RMST: variants seen among roughly 807,000 people sequenced by gnomAD.
The protein encoded by RMST is long intergenic non-protein coding RNA 54.
At chr12:97,562,166 C>T (rs78332126) in intron 13 of RMST, among the ~76,000 whole-genome samples, 4,021 of 152,212 alleles carry the variant, frequency 0.026, 119 homozygotes, top group Non-Finnish European at 0.034. Flanking sequence ...TTAAAACTGC[C>T]CTTCAGTACT....
At chr12:97,463,056 T>TCTCTCTCTCTCTCTCTCTCTCA (rs1555228375) in intron 3 of RMST, 1 of 142,872 alleles carries the variant, frequency 7.0e-6, no homozygotes, top group Non-Finnish European at 1.5e-5. Flanking sequence ...TCTCTCTCTC[T>TCTCTCTCTCTCTCTCTCTCTCA]CTGAAACACA....
chr12:97,536,469 CTT>C (rs1258970251), intron 11 of RMST, among the ~76,000 whole-genome samples: 1 of 151,410 alleles, frequency 6.6e-6, no homozygotes, highest in African/African-American at 2.4e-5. Flanking sequence ...ATTGTTGTCT[CTT>C]TTGGTTTGTA....
intron 11 of RMST, among the ~76,000 whole-genome samples, chr12:97,556,391 G>A (rs776539188): frequency 2.0e-5 from 3 of 152,160 alleles, no homozygotes; most frequent in Non-Finnish European, 4.4e-5. Flanking sequence ...GCAGCTGGGC[G>A]GCCTCTTCAC....
intron 5 of RMST, among the ~76,000 whole-genome samples, chr12:97,465,963 A>C (rs1206482037): frequency 6.6e-6 from 1 of 152,172 alleles, no homozygotes; most frequent in African/African-American, 2.4e-5. Context: ...CAGCCTTGAA[A>C]ATAAGCAGCT....
chr12:97,537,925 G>GCC (rs1882194085), intron 11 of RMST, among the ~76,000 whole-genome samples: 1 of 151,284 alleles, frequency 6.6e-6, no homozygotes. Context: ...AACTCATTAT[G>GCC]TGCTTTGACA....
chr12:97,520,484 T>C (rs1880401201), intron 10 of RMST, among the ~76,000 whole-genome samples: 1 of 152,210 alleles, frequency 6.6e-6, no homozygotes, highest in African/African-American at 2.4e-5. Context: ...TCCATACTCT[T>C]ATTTTAGTGG....
intron 5 of RMST, chr12:97,491,868 T>A (rs769863038): frequency 1.9e-6 from 1 of 515,186 alleles, no homozygotes; most frequent in East Asian, 5.6e-5. Flanking sequence ...ACTGTGTAAT[T>A]AGGTGAAGAA....
intron 10 of RMST, among the ~76,000 whole-genome samples, chr12:97,515,943 C>G (rs992943889): frequency 4.2e-4 from 64 of 151,844 alleles, no homozygotes; most frequent in African/African-American, 1.3e-3. Flanking sequence ...AAATATTTTC[C>G]AATTGTTTCA....
chr12:97,526,845 G>A (rs141602150), intron 10 of RMST, among the ~76,000 whole-genome samples: 32 of 152,184 alleles, frequency 2.1e-4, no homozygotes, highest in Non-Finnish European at 4.0e-4. Flanking sequence ...TGCTACTTTG[G>A]CAATGAGAGT....
chr12:97,493,508 T>C (rs1452229773), intron 7 of RMST, among the ~76,000 whole-genome samples: 1 of 152,206 alleles, frequency 6.6e-6, no homozygotes, highest in Non-Finnish European at 1.5e-5. Context: ...TTGGGTACTT[T>C]TGAAAAATAA....
chr12:97,464,690 C>T (rs954712678), intron 4 of RMST: 2 of 152,146 alleles, frequency 1.3e-5, no homozygotes, highest in Non-Finnish European at 2.9e-5. Context: ...TCTGGAGGCC[C>T]AAGTCCTGTT....
intron 5 of RMST, among the ~76,000 whole-genome samples, chr12:97,486,131 GA>G (rs768024768): frequency 1.3e-5 from 2 of 151,544 alleles, no homozygotes; most frequent in Non-Finnish European, 1.5e-5. Flanking sequence ...GGTAAGCTTT[GA>G]AAAAAAATAC....
intron 10 of RMST, among the ~76,000 whole-genome samples, chr12:97,523,301 A>G (rs1173011694): frequency 6.6e-6 from 1 of 152,244 alleles, no homozygotes; most frequent in Non-Finnish European, 1.5e-5. Flanking sequence ...TTTCATTTAA[A>G]AACAGCTTTG....
At chr12:97,493,262 C>T (rs1304869224) in exon 7 of RMST, 1 of 152,530 alleles carries the variant, frequency 6.6e-6, no homozygotes, top group Non-Finnish European at 1.5e-5. Flanking sequence ...ACCACGGAGA[C>T]TTGGTAGTGA....
At chr12:97,471,875 C>T (rs557877477) in intron 5 of RMST, among the ~76,000 whole-genome samples, 7 of 152,214 alleles carry the variant, frequency 4.6e-5, no homozygotes, top group East Asian at 3.9e-4. Context: ...TCCATATTAA[C>T]GGCTTGTTTT....
chr12:97,519,742 G>A (rs1880317732), intron 10 of RMST, among the ~76,000 whole-genome samples: 2 of 152,192 alleles, frequency 1.3e-5, no homozygotes, highest in African/African-American at 4.8e-5. Context: ...CACAGGCACA[G>A]AATCCTAAGT....
Position 97,532,263 on chromosome 12 carries a change from C to T in RMST, n.1545+1404C>T, listed in dbSNP as rs558283575. Among the ~76,000 whole-genome samples, 3 of 151,876 alleles carry T rather than the reference C, an allele frequency of 2.0e-5. No individual in the cohort carries two copies. In the East Asian group the frequency reaches 5.8e-4, roughly 29 times the overall value. Reference sequence around the variant, plus strand: ...CTTTTGTTTCCTTAACTTTGATTCCCCACCCCTAGCCCAATGTCTGGCACA... The same window carrying T: ...CTTTTGTTTCCTTAACTTTGATTCCTCACCCCTAGCCCAATGTCTGGCACA... On this transcript the variant is annotated intron_variant and non_coding_transcript_variant, in intron 11 of 13. Transcript: ENST00000640149.
intron 10 of RMST, among the ~76,000 whole-genome samples, chr12:97,527,224 G>A (rs1183621315): frequency 6.6e-6 from 1 of 152,124 alleles, no homozygotes; most frequent in East Asian, 1.9e-4. Flanking sequence ...AAGATAAAAA[G>A]CATCTGTAGC....
At chr12:97,473,384 G>T (rs1375360497) in intron 5 of RMST, among the ~76,000 whole-genome samples, 2 of 151,966 alleles carry the variant, frequency 1.3e-5, no homozygotes, top group African/African-American at 4.8e-5. Flanking sequence ...TGTGTGTTTC[G>T]AAGGCTGGGG....
Sources: gnomAD v4.1 joint callset for allele counts (sites outside exome capture counted in the v4.1 genomes callset) on GRCh38, gnomAD v4.1.1 for gene constraint, MANE v1.5 for transcripts, NCBI Gene and HGNC (gene_info 2026-07-23, HGNC 2026-07-21) for gene names.